The following FRMD4A variants were observed in gnomAD, a reference collection of about 807,000 sequenced individuals.
FRMD4A encodes the protein FERM domain-containing protein 4A.
FRMD4A carries 29 observed loss-of-function variants against 129.1 expected under a neutral mutation model. The observed-to-expected ratio is 0.22, with a 90% CI of 0.17 to 0.31. The LOEUF (loss-of-function observed/expected upper bound fraction) is 0.31, where lower values mean the gene tolerates loss of function less well. Among genes scored for constraint, FRMD4A ranks in the 10% least tolerant of loss-of-function variants. FRMD4A has a pLI of 1.00. For synonymous variants in FRMD4A, 634 were observed against 571.6 expected (o/e 1.11, Z -1.56); for missense variants, 1,272 against 1,375.8 (o/e 0.92, Z 1.19).
rs150647453 is a variant in FRMD4A, at chr10:13,950,652, T to C, written c.46-91740A>G. The stretch of plus-strand genomic sequence containing the variant: ...CCACCCTCCCCTTTACTCACTATAC[T>C]CTAGCCACACTGTCTTCCCTCTCTT... On this transcript the variant is annotated intron_variant, in intron 2 of 24. Transcript: ENST00000357447. Among the ~76,000 whole-genome samples, 18 of 152,280 alleles carry C rather than the reference T, an allele frequency of 1.2e-4. No individual in the cohort carries two copies. The East Asian group carries it at 3.5e-3, about 29-fold the overall frequency.
At chr10:14,182,721 G>C (rs572994714) in intron 2 of FRMD4A, among the ~76,000 whole-genome samples, 1 of 152,154 alleles carries the variant, frequency 6.6e-6, no homozygotes, top group Admixed American at 6.5e-5. Flanking sequence ...AGGTTCGACC[G>C]GGGGCTCTGC....
At chr10:13,932,884 G>A (rs868376117) in intron 2 of FRMD4A, among the ~76,000 whole-genome samples, 1 of 152,100 alleles carries the variant, frequency 6.6e-6, no homozygotes, top group Non-Finnish European at 1.5e-5. Context: ...TGAAAGGCTG[G>A]GTGCGGTAGC....
chr10:13,662,454 A>C (rs2082707350), intron 19 of FRMD4A, among the ~76,000 whole-genome samples: 1 of 152,152 alleles, frequency 6.6e-6, no homozygotes, highest in Non-Finnish European at 1.5e-5. Flanking sequence ...ACAGGGCAAA[A>C]AAATTAACTG....
chr10:13,876,789 C>T (rs1027631053), intron 2 of FRMD4A, among the ~76,000 whole-genome samples: 96 of 151,552 alleles, frequency 6.3e-4, no homozygotes, highest in African/African-American at 1.9e-3. Flanking sequence ...AATAGGCACA[C>T]AATAAATATT....
chr10:14,294,946 G>A (rs74848947), intron 2 of FRMD4A, among the ~76,000 whole-genome samples: 1 of 152,180 alleles, frequency 6.6e-6, no homozygotes, highest in African/African-American at 2.4e-5. Flanking sequence ...CCTGGTATCA[G>A]GGGGATGGGA....
At chr10:14,020,294 T>G (rs1185038026) in intron 2 of FRMD4A, among the ~76,000 whole-genome samples, 1 of 152,122 alleles carries the variant, frequency 6.6e-6, no homozygotes, top group African/African-American at 2.4e-5. Context: ...GTCTGATCTG[T>G]CCCTTTTATC....
chr10:14,249,586 A>T (rs1267327453), intron 2 of FRMD4A, among the ~76,000 whole-genome samples: 1 of 152,208 alleles, frequency 6.6e-6, no homozygotes, highest in Non-Finnish European at 1.5e-5. Flanking sequence ...CTCAGCATCC[A>T]TAACAATGTC....
At chr10:13,927,759 A>G (rs2095149954) in intron 2 of FRMD4A, among the ~76,000 whole-genome samples, 4 of 152,262 alleles carry the variant, frequency 2.6e-5, no homozygotes, top group African/African-American at 9.6e-5. Context: ...ACATATGGAA[A>G]GTAAACACAA....
chr10:14,138,787 A>G (rs1324609822), intron 2 of FRMD4A, among the ~76,000 whole-genome samples: 1 of 152,134 alleles, frequency 6.6e-6, no homozygotes, highest in African/African-American at 2.4e-5. Context: ...AAAAAAGAAC[A>G]GAAAATTGGG....
At chr10:13,900,851 C>T (rs964402364) in intron 2 of FRMD4A, among the ~76,000 whole-genome samples, 1 of 152,096 alleles carries the variant, frequency 6.6e-6, no homozygotes, top group African/African-American at 2.4e-5. Flanking sequence ...GAGCCTAGAT[C>T]ACGCCACTGT....
intron 2 of FRMD4A, among the ~76,000 whole-genome samples, chr10:13,867,764 TATA>T (rs572460972): frequency 1.5e-4 from 18 of 119,732 alleles, no homozygotes; most frequent in African/African-American, 6.2e-4. Flanking sequence ...TAATATATAA[TATA>T]ATATGATATA....
At chr10:14,025,496 T>C (rs1832949180) in intron 2 of FRMD4A, among the ~76,000 whole-genome samples, 1 of 152,196 alleles carries the variant, frequency 6.6e-6, no homozygotes. Flanking sequence ...GGACAAGGGA[T>C]CAGACTGTGG....
chr10:14,225,857 T>C (rs1317457798), intron 2 of FRMD4A, among the ~76,000 whole-genome samples: 1 of 152,204 alleles, frequency 6.6e-6, no homozygotes, highest in Non-Finnish European at 1.5e-5. Flanking sequence ...TAGATATTGT[T>C]GCTCAGAAGT....
rs750074088 is a variant in FRMD4A at position 13,694,028 on chromosome 10, A to G, written c.987T>C (p.His329=). 5 of 1,513,078 alleles carry G rather than the reference A, an allele frequency of 3.3e-6. No individual in the cohort carries two copies. In the South Asian group the frequency reaches 6.7e-5, roughly 20 times the overall value. 93.7% of individuals were successfully genotyped at this position (1,513,078 alleles called of 1,614,324 possible). A position where few individuals can be genotyped will look rare whatever the true frequency, so the allele number is the denominator to read the frequency against. ...LDRKQSKSKI[H]AARSLSEIAI... ...CGATCTCACTCAGGCTGCGTGCTGC[A>G]TGGATTTTGGACTGGAATGGAAAGG... Residue 329 remains histidine, a synonymous_variant, in exon 15 of 25, where the codon CAT becomes CAC. Coordinates refer to ENST00000357447, the MANE Select transcript of FRMD4A (RefSeq NM_018027.5).
intron 9 of FRMD4A, among the ~76,000 whole-genome samples, chr10:13,747,395 G>C (rs1441080008): frequency 6.6e-6 from 1 of 151,746 alleles, no homozygotes; most frequent in African/African-American, 2.4e-5. Flanking sequence ...AAATTAGCCA[G>C]GTGTGGTGGT....
intron 2 of FRMD4A, among the ~76,000 whole-genome samples, chr10:14,280,458 C>T (rs915188683): frequency 6.6e-6 from 1 of 152,094 alleles, no homozygotes; most frequent in Admixed American, 6.6e-5. Flanking sequence ...TTCTTTATCT[C>T]TTAGACCTAC....
At chr10:14,208,607 C>A (rs952213396) in intron 2 of FRMD4A, among the ~76,000 whole-genome samples, 1 of 152,096 alleles carries the variant, frequency 6.6e-6, no homozygotes, top group Non-Finnish European at 1.5e-5. Context: ...CCAACCTCAG[C>A]TGTCTGTGCT....
intron 2 of FRMD4A, among the ~76,000 whole-genome samples, chr10:14,015,793 A>G (rs1588778142): frequency 6.6e-6 from 1 of 152,362 alleles, no homozygotes; most frequent in East Asian, 1.9e-4. Flanking sequence ...ATATTCTATT[A>G]CAGGCACTAT....
intron 2 of FRMD4A, among the ~76,000 whole-genome samples, chr10:14,001,726 A>G (rs2095643498): frequency 6.6e-6 from 1 of 152,196 alleles, no homozygotes. Flanking sequence ...AGTCCCCAGT[A>G]GTCTGTGTTC....
Sources: allele counts gnomAD v4.1 joint callset (sites outside exome capture counted in the v4.1 genomes callset), GRCh38; gene constraint gnomAD v4.1.1; transcripts MANE v1.5; gene names NCBI Gene and HGNC (gene_info 2026-07-23, HGNC 2026-07-21).